The following PIBF1 variants were observed in gnomAD, a reference collection of about 807,000 sequenced individuals.
PIBF1 encodes the protein progesterone immunomodulatory binding factor 1, also known as progesterone-induced-blocking factor 1.
Under a neutral mutation model 112.5 loss-of-function variants are expected in PIBF1, and 90 were observed. The observed-to-expected ratio is 0.80, with a 90% CI of 0.67 to 0.95. PIBF1 has a LOEUF of 0.95. PIBF1 is among the 40% of genes least tolerant of loss of function. PIBF1 has a pLI of 0.00. For synonymous variants in PIBF1, 301 were observed against 288.6 expected (o/e 1.04, Z -0.44); for missense variants, 915 against 852.3 (o/e 1.07, Z -0.92).
intron 16 of PIBF1, among the ~76,000 whole-genome samples, chr13:72,985,302 G>A (rs1420118572): frequency 1.3e-5 from 2 of 150,732 alleles, no homozygotes; most frequent in South Asian, 2.1e-4. Flanking sequence ...CCGAAGCAGG[G>A]GGATCACGAG....
At chr13:72,803,990 G>GT (rs1387649120) in intron 5 of PIBF1, among the ~76,000 whole-genome samples, 1 of 152,102 alleles carries the variant, frequency 6.6e-6, no homozygotes, top group Non-Finnish European at 1.5e-5. Context: ...TTATCTGAGT[G>GT]TTTTTTGCCC....
intron 1 of PIBF1, among the ~76,000 whole-genome samples, chr13:72,782,604 A>G (rs552937295): frequency 6.6e-6 from 1 of 152,342 alleles, no homozygotes; most frequent in African/African-American, 2.4e-5. Flanking sequence ...CAGTTTAGAA[A>G]AACTGAAATA....
In PIBF1 at chr13:72,948,875, C is replaced by T. The variant is rs540432114; in HGVS notation, c.1834-16399C>T. Among the ~76,000 whole-genome samples the T allele has an allele frequency of 1.1e-4, 17 of 152,252 alleles. 1 individual carries two copies. The highest frequency in any genetic ancestry group is 3.9e-4 in the East Asian group (2 of 5,180). Reference sequence around the variant, plus strand: ...CTCACTGTCACGAGAACAGCATGAGCGTAACCACGCCCATGATTAATACCT... The same window carrying T: ...CTCACTGTCACGAGAACAGCATGAGTGTAACCACGCCCATGATTAATACCT... On this transcript the variant is annotated intron_variant, in intron 14 of 17. Coordinates refer to ENST00000326291, the MANE Select transcript of PIBF1 (RefSeq NM_006346.4).
chr13:72,917,274 T>G, intron 13 of PIBF1, 108 bp downstream of exon 13: 2 of 477,506 alleles, frequency 4.2e-6, no homozygotes, highest in Non-Finnish European at 7.2e-6. Context: ...TTATTCTTAC[T>G]CTGCATAAAT....
chr13:72,853,546 T>C (rs1359347180), intron 9 of PIBF1, among the ~76,000 whole-genome samples: 1 of 152,188 alleles, frequency 6.6e-6, no homozygotes, highest in Non-Finnish European at 1.5e-5. Context: ...TCCCTTCTAC[T>C]TTCTCCTGTC....
At chr13:72,930,838 A>G (rs74092065) in intron 13 of PIBF1, among the ~76,000 whole-genome samples, 18,279 of 152,216 alleles carry the variant, frequency 0.12, 3,196 homozygotes, top group African/African-American at 0.39. Context: ...AAAAGTGGAG[A>G]CAAGCTGTAA....
chr13:73,010,805 CTTTTCTTTTTTTTTT>C (rs2044173574), intron 17 of PIBF1, among the ~76,000 whole-genome samples: 2 of 52,594 alleles, frequency 3.8e-5, no homozygotes, highest in Non-Finnish European at 7.0e-5. Flanking sequence ...AAATCATTAA[CTTTTCTTTTTTTTTT>C]TTTTTTTTTT....
intron 5 of PIBF1, among the ~76,000 whole-genome samples, chr13:72,808,195 T>C (rs1593937100): frequency 6.6e-6 from 1 of 152,358 alleles, no homozygotes; most frequent in South Asian, 2.1e-4. Flanking sequence ...TTTTTACTTC[T>C]AGAATTTCAG....
At chr13:72,952,390 C>T (rs9543182) in intron 14 of PIBF1, among the ~76,000 whole-genome samples, 15,601 of 151,976 alleles carry the variant, frequency 0.1, 1,086 homozygotes, top group Non-Finnish European at 0.15. Context: ...TCACCTTTCT[C>T]TCATATCTCC....
At chr13:72,971,096 A>C (rs1462884786) in intron 15 of PIBF1, among the ~76,000 whole-genome samples, 1 of 152,126 alleles carries the variant, frequency 6.6e-6, no homozygotes, top group African/African-American at 2.4e-5. Flanking sequence ...AGAATTATCC[A>C]GTCAAAATCC....
intron 16 of PIBF1, among the ~76,000 whole-genome samples, chr13:72,993,477 G>A (rs1196580308): frequency 1.3e-5 from 2 of 152,012 alleles, no homozygotes; most frequent in African/African-American, 2.4e-5. Flanking sequence ...GTAAAAAGAT[G>A]GAAAGCCAAA....
At chr13:72,836,550 A>G (rs1343078484) in intron 9 of PIBF1, among the ~76,000 whole-genome samples, 3 of 152,182 alleles carry the variant, frequency 2.0e-5, no homozygotes, top group Non-Finnish European at 4.4e-5. Context: ...CTATATATGT[A>G]GAATTATCCT....
intron 17 of PIBF1, among the ~76,000 whole-genome samples, chr13:73,010,810 CTTTTTTTTTTTTTT>C (rs1176079981): frequency 1.6e-3 from 63 of 40,318 alleles, no homozygotes; most frequent in Non-Finnish European, 2.5e-3. Flanking sequence ...ATTAACTTTT[CTTTTTTTTTTTTTT>C]TTTTTTTTTT....
At chr13:72,892,261 T>C (rs2040087479) in intron 10 of PIBF1, among the ~76,000 whole-genome samples, 1 of 152,182 alleles carries the variant, frequency 6.6e-6, no homozygotes, top group Non-Finnish European at 1.5e-5. Context: ...TTTTATATAA[T>C]TAATGCCAGG....
In PIBF1 at chr13:72,791,364, G is replaced by A. The variant is rs192247751; in HGVS notation, c.253-1083G>A. Among the ~76,000 whole-genome samples, 42 of 151,994 alleles carry A rather than the reference G, an allele frequency of 2.8e-4. No homozygotes were observed. The East Asian group carries it at 7.8e-3, about 28-fold the overall frequency. ...TCACCACGCCCTGCCTGAAATTCAT[G>A]TATTTTAAGGGGCAAACAGGAATCG... On this transcript the variant is annotated intron_variant, in intron 2 of 17. Transcript: ENST00000326291.
intron 14 of PIBF1, among the ~76,000 whole-genome samples, chr13:72,934,458 G>A (rs2041804587): frequency 6.6e-6 from 1 of 151,854 alleles, no homozygotes; most frequent in African/African-American, 2.4e-5. Flanking sequence ...CCACCACGCT[G>A]GGCTAATTTT....
At chr13:73,011,772 A>C (rs1428508268) in intron 17 of PIBF1, among the ~76,000 whole-genome samples, 1 of 152,178 alleles carries the variant, frequency 6.6e-6, no homozygotes, top group African/African-American at 2.4e-5. Context: ...TTCCCAGTAC[A>C]GTATGTCCAG....
At chr13:72,864,366 G>C (rs2038834034) in intron 10 of PIBF1, among the ~76,000 whole-genome samples, 1 of 152,136 alleles carries the variant, frequency 6.6e-6, no homozygotes, top group African/African-American at 2.4e-5. Flanking sequence ...ACTAGAAAAA[G>C]AACTCAAGTA....
chr13:73,004,430 G>A (rs952618650), intron 17 of PIBF1, among the ~76,000 whole-genome samples: 1 of 151,318 alleles, frequency 6.6e-6, no homozygotes, highest in Admixed American at 6.6e-5. Flanking sequence ...GGCGGAGGTT[G>A]CATTGAGCCG....
Sources: gnomAD v4.1 joint callset for allele counts (sites outside exome capture counted in the v4.1 genomes callset) on GRCh38, gnomAD v4.1.1 for gene constraint, MANE v1.5 for transcripts, NCBI Gene and HGNC (gene_info 2026-07-23, HGNC 2026-07-21) for gene names.